NEK9: variants seen among roughly 807,000 people sequenced by gnomAD.
NEK9 encodes the protein serine/threonine-protein kinase Nek9.
A neutral mutation model predicts 123.4 loss-of-function variants in NEK9; 75 were observed. The ratio of observed to expected loss-of-function variants is 0.61; its 90% CI spans 0.50 to 0.74. NEK9 has a LOEUF of 0.74. Ranked by LOEUF, NEK9 falls within the 30% of genes least tolerant of loss-of-function variation. NEK9 has a pLI of 0.00. For missense variants in NEK9, 952 were observed against 1,214.4 expected (o/e 0.78, Z 3.21); for synonymous variants, 438 against 458.7 (o/e 0.95, Z 0.58).
rs191333497 is a variant in NEK9, at chr14:75,117,210, C to T, written c.747G>A (p.Arg249=). 6.2e-7 allele frequency: 1 copy of T among 1,612,634 alleles called. No homozygotes were observed. The highest frequency in any genetic ancestry group is 8.5e-7 in the Non-Finnish European group (1 of 1,179,658). The stretch of plus-strand genomic sequence containing the variant: ...GCCAACTTACTGTAGCATCAAACGT[C>T]CTCTTTAAGGTAAGCAGTTCAAAAA... ...CVIFELLTLK[R]TFDATNPLNL... The change falls in exon 6 of 22, where the codon AGG becomes AGA. Residue 249 remains arginine (R), a synonymous_variant. Coordinates refer to ENST00000238616, the MANE Select transcript of NEK9 (RefSeq NM_033116.6).
chr14:75,125,450 C>T (rs1176322799), intron 1 of NEK9, among the ~76,000 whole-genome samples: 6 of 152,140 alleles, frequency 3.9e-5, no homozygotes, highest in South Asian at 2.1e-4. Flanking sequence ...TAACTCAAAA[C>T]CAACCCAGTA....
chr14:75,090,695 C>G (rs571987014), intron 19 of NEK9, among the ~76,000 whole-genome samples: 1 of 152,184 alleles, frequency 6.6e-6, no homozygotes, highest in East Asian at 1.9e-4. Context: ...CCTCAGCCTC[C>G]TGAGTAGCTG....
Position 75,118,841 on chromosome 14 carries a change from T to C in NEK9, c.619A>G (p.Met207Val). Residue 207 changes from methionine (M) to valine (V), a missense_variant, in exon 5 of 22, where the codon ATG becomes GTG. By Grantham distance (21) the Met-to-Val change is conservative (BLOSUM62 1). Around this residue, in one of 4 missense-constraint regions of NEK9, gnomAD observed 28 missense variants for 88.3 expected, o/e 0.32. Transcript: ENST00000238616. Reference sequence around the variant, plus strand: ...AGGGCAACACATACCGTCTCAGCCATGGAATACTCAGAATTAAGTTTCTTT... The same window carrying C: ...AGGGCAACACATACCGTCTCAGCCACGGAATACTCAGAATTAAGTTTCTTT... ...LAKKLNSEYS[M>V]AETLVGTPYY... 2 of 1,592,728 alleles carry C rather than the reference T, an allele frequency of 1.3e-6. No homozygotes were observed. Among genetic ancestry groups the C allele is most frequent in the Non-Finnish European group, 1.7e-6 (2 of 1,160,660 alleles).
rs149595597 is a variant in NEK9 at position 75,089,855 on chromosome 14, C to T, written c.2443-1214G>A. 1.5e-3 allele frequency among the ~76,000 whole-genome samples: 223 copies of T among 152,164 alleles called. 1 individual carries two copies. The highest frequency in any genetic ancestry group is 1.5e-3 in the East Asian group (8 of 5,162). ...CTGGGACTACAGGCGTGCGCCACAA[C>T]GCCCGGCTAATTTTTGTATTTTTAA... is the stretch of plus-strand genomic sequence containing the variant. On this transcript the variant is annotated intron_variant, in intron 19 of 21. Transcript: ENST00000238616.
chr14:75,114,122 G>A lies in NEK9; in HGVS notation c.873+81C>T, dbSNP rs527314382. On this transcript the variant is annotated intron_variant, in intron 7 of 21. Transcript: ENST00000238616. Reference sequence around the variant, plus strand: ...GGGGAAGTGGATGTGGTTTTGTATGGTTTATAGCTATGCCATACACCAAAC... The same window carrying A: ...GGGGAAGTGGATGTGGTTTTGTATGATTTATAGCTATGCCATACACCAAAC... 6.3e-4 allele frequency: 627 copies of A among 992,898 alleles called. 5 individuals are homozygous for A. Among genetic ancestry groups the A allele is most frequent in the South Asian group, 2.1e-3 (154 of 73,076 alleles). The allele number at this position is 992,898 out of a possible 1,614,324, so 61.5% of individuals were successfully genotyped here.
At chr14:75,110,236 G>C (rs781457842) in intron 9 of NEK9, 85 bp downstream of exon 9, 4 of 1,010,250 alleles carry the variant, frequency 4.0e-6, no homozygotes, top group Non-Finnish European at 4.6e-6. Flanking sequence ...AAGTATCCTC[G>C]GATCAAATAA....
chr14:75,102,704 A>AT (rs748964909), intron 14 of NEK9, among the ~76,000 whole-genome samples: 2 of 152,286 alleles, frequency 1.3e-5, no homozygotes, highest in South Asian at 4.2e-4. Context: ...CTTGCCCTGA[A>AT]TTTGTACTCT....
intron 18 of NEK9, among the ~76,000 whole-genome samples, chr14:75,094,328 G>A (rs1031875559): frequency 2.6e-5 from 4 of 152,118 alleles, no homozygotes; most frequent in African/African-American, 9.7e-5. Flanking sequence ...TGCCCAGGCC[G>A]GATTGCAGTG....
At chr14:75,088,841 A>C (rs957651928) in intron 19 of NEK9, among the ~76,000 whole-genome samples, 200 bp from the exon 20 acceptor site, 2 of 152,202 alleles carry the variant, frequency 1.3e-5, no homozygotes, top group African/African-American at 2.4e-5. Flanking sequence ...ATGCAAAGGC[A>C]AACTCAAAGA....
At position 75,109,789 on chromosome 14, in the gene NEK9, G is replaced by A. The variant is rs760861870; in HGVS notation, c.1078C>T (p.Gln360Ter). Residue 360 changes from glutamine (Q) to a stop codon, truncating the protein, a stop_gained, in exon 10 of 22, where the codon CAG (glutamine) becomes TAG (stop). Transcript: ENST00000238616. LOFTEE classifies it high-confidence loss of function. ...YVWGGGKSTP[Q>*]KLDVIKSGCS... ...CCACTCTTGATAACATCCAGTTTCTGGGGGGTGGATTTTCCACCACCCCAA... is the reference window on the plus strand; with the variant it reads ...CCACTCTTGATAACATCCAGTTTCTAGGGGGTGGATTTTCCACCACCCCAA... 2 of 1,613,992 alleles carry A rather than the reference G, an allele frequency of 1.2e-6. No homozygotes were observed. The highest frequency in any genetic ancestry group is 1.7e-5 in the Admixed American group (1 of 60,000).
intron 16 of NEK9, among the ~76,000 whole-genome samples, chr14:75,098,932 G>A (rs879927267): frequency 6.6e-6 from 1 of 152,130 alleles, no homozygotes; most frequent in Admixed American, 6.5e-5. Flanking sequence ...CCTGTGTAAC[G>A]TTTCCATTTA....
chr14:75,127,014 T>G lies in NEK9; in HGVS notation c.-93A>C. Reference sequence around the variant, plus strand: ...CTCGCTTCAGATGCCGGCCCGCGGATCCGTCAGCCCAGCAACCCCGCGAAG... The same window carrying G: ...CTCGCTTCAGATGCCGGCCCGCGGAGCCGTCAGCCCAGCAACCCCGCGAAG... On this transcript the variant is annotated 5_prime_UTR_variant, in exon 1 of 22. Coordinates refer to ENST00000238616, the MANE Select transcript of NEK9 (RefSeq NM_033116.6). 1.8e-6 allele frequency: 2 copies of G among 1,099,252 alleles called. No individual in the cohort carries two copies. The highest frequency in any genetic ancestry group is 3.6e-5 in the South Asian group (2 of 55,894). The allele number at this position is 1,099,252 out of a possible 1,614,324, so 68.1% of individuals were successfully genotyped here. A position where few individuals can be genotyped will look rare whatever the true frequency, so the allele number is the denominator to read the frequency against.
At chr14:75,127,049 G>T, upstream of NEK9, 2 of 702,000 alleles carry the variant, frequency 2.8e-6, no homozygotes, top group Non-Finnish European at 4.5e-6. Context: ...GCTCGATGGT[G>T]GCTCCTGCCC....
chr14:75,090,139 T>C (rs1367895884), intron 19 of NEK9, among the ~76,000 whole-genome samples: 1 of 151,946 alleles, frequency 6.6e-6, no homozygotes, highest in Non-Finnish European at 1.5e-5. Context: ...GGCCCTGGCC[T>C]TATTTTTTTT....
Position 75,091,498 on chromosome 14 carries a change from G to A in NEK9, c.2234-20C>T. ...GAAACACTGACAGATATACAGCACAGAAATAGACAGCTTTGCTATGCAGCA... is the reference window on the plus strand; with the variant it reads ...GAAACACTGACAGATATACAGCACAAAAATAGACAGCTTTGCTATGCAGCA... On this transcript the variant is annotated intron_variant, in intron 18 of 21. Coordinates refer to ENST00000238616, the MANE Select transcript of NEK9 (RefSeq NM_033116.6). 1.3e-6 allele frequency: 2 copies of A among 1,523,782 alleles called. No homozygotes were observed. The highest frequency in any genetic ancestry group is 1.8e-6 in the Non-Finnish European group (2 of 1,138,094). 94.4% of individuals were successfully genotyped at this position (1,523,782 alleles called of 1,614,324 possible).
chr14:75,081,386 T>C lies in NEK9; in HGVS notation c.*3178A>G, dbSNP rs549401904. 6.6e-6 allele frequency: 1 copy of C among 152,378 alleles called. No homozygotes were observed. The highest frequency in any genetic ancestry group is 2.4e-5 in the African/African-American group (1 of 41,596). 9.4% of individuals were successfully genotyped at this position (152,378 alleles called of 1,614,324 possible). The stretch of plus-strand genomic sequence containing the variant: ...GACATAGTGGAGTTTTTCTCCCTAA[T>C]GTTCATCATTCTGTGAGGTTTAATG... On this transcript the variant is annotated 3_prime_UTR_variant, in exon 22 of 22. Transcript: ENST00000238616. This position sits in a 1 kb window ranked among gnomAD's most constrained non-coding sequence, Gnocchi z 4.2.
chr14:75,087,311 C>G (rs1372565300), intron 20 of NEK9, 81 bp from the exon 21 acceptor site: 1 of 984,026 alleles, frequency 1.0e-6, no homozygotes. Flanking sequence ...TAAGTGCAAT[C>G]GGATTTTACT....
rs1195278007 is a variant in NEK9, at chr14:75,087,015, C to T, written c.2817+3G>A. 1.2e-6 allele frequency: 2 copies of T among 1,613,426 alleles called. No individual in the cohort carries two copies. The highest frequency in any genetic ancestry group is 1.1e-5 in the South Asian group (1 of 91,056). ...AATTGGATTATTCTTTTAATGCTCT[C>T]ACCTGCTGCCCTCCTTCTAATTTCT... On this transcript the variant is annotated splice_donor_region_variant and intron_variant, in intron 21 of 21. Transcript: ENST00000238616.
At position 75,088,593 on chromosome 14, in the gene NEK9, G is replaced by A; in HGVS notation, c.2491C>T (p.Leu831Phe). 6.2e-7 allele frequency: 1 copy of A among 1,614,104 alleles called. No individual in the cohort carries two copies. Among genetic ancestry groups the A allele is most frequent in the South Asian group, 1.1e-5 (1 of 91,084 alleles). ...FIPMPDSPSP[L>F]SAAFSESEKD... is the part of the protein sequence containing the mutation. ...TCAGATTCTGAAAACGCTGCACTGA[G>A]AGGAGATGGGCTGTCAGGCATGGGG... is the stretch of plus-strand genomic sequence containing the variant. The change falls in exon 20 of 22, where the codon CTC (leucine) becomes TTC (phenylalanine). Residue 831 changes from leucine to phenylalanine, a missense_variant. Around this residue, in one of 4 missense-constraint regions of NEK9, gnomAD observed 698 missense variants for 875.6 expected, o/e 0.80. Coordinates refer to ENST00000238616, the MANE Select transcript of NEK9 (RefSeq NM_033116.6).
Sources: gnomAD v4.1 joint callset for allele counts (sites outside exome capture counted in the v4.1 genomes callset) on GRCh38, gnomAD v4.1.1 for gene constraint, gnomAD v4.1.1 regional missense constraint, Gnocchi (gnomAD v3.1) non-coding constraint, MANE v1.5 for transcripts, NCBI Gene and HGNC (gene_info 2026-07-23, HGNC 2026-07-21) for gene names.